The following ATXN1 variants were observed in gnomAD, a reference collection of about 807,000 sequenced individuals.
ATXN1 encodes the protein ataxin-1.
Under a neutral mutation model 56.4 loss-of-function variants are expected in ATXN1, and 8 were observed. The observed-to-expected ratio is 0.14, with a 90% confidence interval of 0.08 to 0.26. ATXN1 has a LOEUF of 0.26. ATXN1 is among the 10% of genes least tolerant of loss of function. The pLI, the probability that ATXN1 is intolerant of heterozygous loss-of-function variation, is 1.00. For synonymous variants in ATXN1, 514 were observed against 494.6 expected, an observed-to-expected ratio of 1.04 and a Z score of -0.52; for missense variants, 987 against 1,106.5, an observed-to-expected ratio of 0.89 and a Z score of 1.53.
chr6:16,434,760 C>T (rs887664509), intron 6 of ATXN1, among the ~76,000 whole-genome samples: 5 of 152,150 alleles, frequency 3.3e-5, no homozygotes, highest in African/African-American at 4.8e-5. Flanking sequence ...GAGGATTGAA[C>T]GGGGAGAAAC....
chr6:16,756,212 T>C (rs1015134315), intron 1 of ATXN1, among the ~76,000 whole-genome samples: 2 of 152,114 alleles, frequency 1.3e-5, no homozygotes, highest in African/African-American at 4.8e-5. Context: ...TTATTACTTC[T>C]GTAATTTTAA....
chr6:16,604,101 G>A (rs1231606659), intron 3 of ATXN1, among the ~76,000 whole-genome samples: 1 of 152,050 alleles, frequency 6.6e-6, no homozygotes, highest in Non-Finnish European at 1.5e-5. Context: ...TTCGTAAAGG[G>A]GGGATTCCTC....
At chr6:16,682,407 G>A (rs1002539638) in intron 2 of ATXN1, among the ~76,000 whole-genome samples, 8 of 151,872 alleles carry the variant, frequency 5.3e-5, no homozygotes, top group African/African-American at 1.7e-4. Flanking sequence ...ATGATGGCCA[G>A]GCTTGTCTCG....
chr6:16,703,575 C>A (rs1292456661), intron 2 of ATXN1, among the ~76,000 whole-genome samples: 3 of 152,090 alleles, frequency 2.0e-5, no homozygotes, highest in Admixed American at 2.0e-4. Flanking sequence ...AAACAAAAGA[C>A]TTGGAGACTA....
intron 4 of ATXN1, among the ~76,000 whole-genome samples, chr6:16,533,291 G>A (rs1393789067): frequency 6.6e-6 from 1 of 152,218 alleles, no homozygotes; most frequent in Non-Finnish European, 1.5e-5. Context: ...GATCTGTTTG[G>A]ATCAAGATAT....
intron 7 of ATXN1, among the ~76,000 whole-genome samples, chr6:16,321,247 C>G (rs56336401): frequency 0.21 from 32,374 of 152,108 alleles, 4,073 homozygotes; most frequent in African/African-American, 0.36. Context: ...GCTATCGCCT[C>G]GGGGGTCGCA....
rs1048468420 is a variant in ATXN1 at position 16,525,865 on chromosome 6, A to C, written c.-360-3177T>G. Among the ~76,000 whole-genome samples the C allele has an allele frequency of 5.9e-5, 9 of 151,866 alleles. No homozygotes were observed. In the South Asian group the frequency reaches 1.2e-3, roughly 21 times the overall value. ...TCAAAAAAAGTGGATGAGACAAATGAGAACAAAATAAAACTGTTCACTGTA... is the reference window on the plus strand; with the variant it reads ...TCAAAAAAAGTGGATGAGACAAATGCGAACAAAATAAAACTGTTCACTGTA... On this transcript the variant is annotated intron_variant, in intron 4 of 7. Transcript: ENST00000436367.
intron 7 of ATXN1, among the ~76,000 whole-genome samples, chr6:16,318,369 A>G (rs987541758): frequency 3.3e-5 from 5 of 152,196 alleles, no homozygotes; most frequent in African/African-American, 1.2e-4. Context: ...AAATTATTAA[A>G]TTGGGCATTC....
At chr6:16,432,334 T>A (rs990384446) in intron 6 of ATXN1, among the ~76,000 whole-genome samples, 1 of 152,326 alleles carries the variant, frequency 6.6e-6, no homozygotes, top group South Asian at 2.1e-4. Flanking sequence ...AATATCATCA[T>A]GAAATCAACG....
chr6:16,675,634 A>C (rs1013717121), intron 2 of ATXN1, among the ~76,000 whole-genome samples: 4 of 152,106 alleles, frequency 2.6e-5, no homozygotes, highest in African/African-American at 9.7e-5. Context: ...TAATCCCAGC[A>C]CTTTGGGAGG....
intron 3 of ATXN1, among the ~76,000 whole-genome samples, chr6:16,612,334 C>T (rs1008604516): frequency 6.6e-6 from 1 of 152,052 alleles, no homozygotes; most frequent in Admixed American, 6.5e-5. Flanking sequence ...AATTTTACTA[C>T]CTTTCAATAT....
chr6:16,482,698 C>T (rs1362905895), intron 6 of ATXN1, among the ~76,000 whole-genome samples: 1 of 152,190 alleles, frequency 6.6e-6, no homozygotes, highest in Non-Finnish European at 1.5e-5. Flanking sequence ...AAGCTATAGT[C>T]TAAGGACAGT....
chr6:16,483,849 A>G (rs1760487341), intron 6 of ATXN1, among the ~76,000 whole-genome samples: 1 of 152,246 alleles, frequency 6.6e-6, no homozygotes, highest in South Asian at 2.1e-4. Context: ...TTATTTAAAT[A>G]GAGCCTGAAA....
At chr6:16,346,703 A>G (rs72840244) in intron 6 of ATXN1, among the ~76,000 whole-genome samples, 6 of 151,864 alleles carry the variant, frequency 4.0e-5, no homozygotes, top group Non-Finnish European at 7.4e-5. Flanking sequence ...GAGTGTAGTG[A>G]GAGGTGACAG....
intron 3 of ATXN1, among the ~76,000 whole-genome samples, chr6:16,612,058 A>G (rs1332775501): frequency 6.6e-6 from 1 of 151,604 alleles, no homozygotes; most frequent in African/African-American, 2.4e-5. Context: ...ACGGGGTTTC[A>G]CCATGTTAGT....
chr6:16,450,768 T>C (rs1198909067), intron 6 of ATXN1, among the ~76,000 whole-genome samples: 1 of 152,226 alleles, frequency 6.6e-6, no homozygotes, highest in African/African-American at 2.4e-5. Flanking sequence ...CCAAAATCAA[T>C]GTCCAATCTT....
intron 2 of ATXN1, among the ~76,000 whole-genome samples, chr6:16,661,967 A>C (rs1229698520): frequency 6.6e-6 from 1 of 152,228 alleles, no homozygotes; most frequent in African/African-American, 2.4e-5. Context: ...GAGAGATAAT[A>C]AACACTTGTT....
At chr6:16,398,757 A>C (rs1003224098) in intron 6 of ATXN1, among the ~76,000 whole-genome samples, 1 of 152,210 alleles carries the variant, frequency 6.6e-6, no homozygotes, top group Non-Finnish European at 1.5e-5. Flanking sequence ...TCCTGGGAAA[A>C]ATGTGAAGAA....
chr6:16,424,261 C>T (rs748897938), intron 6 of ATXN1, among the ~76,000 whole-genome samples: 12 of 152,070 alleles, frequency 7.9e-5, no homozygotes, highest in Non-Finnish European at 1.3e-4. Context: ...GTTCAAGGGA[C>T]GAGAGGGAAG....
Sources: gnomAD v4.1 joint callset for allele counts (sites outside exome capture counted in the v4.1 genomes callset) on GRCh38, gnomAD v4.1.1 for gene constraint, MANE v1.5 for transcripts, NCBI Gene and HGNC (gene_info 2026-07-23, HGNC 2026-07-21) for gene names.